The following NUP93 variants were observed in gnomAD, a reference collection of about 807,000 sequenced individuals.
The protein encoded by NUP93 is nucleoporin 93.
NUP93 carries 55 observed loss-of-function variants against 107.8 expected under a neutral mutation model. The ratio of observed to expected loss-of-function variants is 0.51; its 90% CI spans 0.41 to 0.64. The LOEUF (loss-of-function observed/expected upper bound fraction) is 0.64. Among genes scored for constraint, NUP93 ranks in the 30% least tolerant of loss-of-function variants. NUP93 has a pLI of 0.00. For synonymous variants in NUP93, 390 were observed against 397.5 expected, an observed-to-expected ratio of 0.98 and a Z score of 0.22; for missense variants, 937 against 1,044.7, an observed-to-expected ratio of 0.90 and a Z score of 1.42.
intron 3 of NUP93, among the ~76,000 whole-genome samples, chr16:56,789,823 G>A (rs1278603282): frequency 1.3e-5 from 2 of 152,236 alleles, no homozygotes; most frequent in African/African-American, 4.8e-5. Context: ...ACAGGGCCAG[G>A]TGCAGTGGCT....
chr16:56,817,675 A>T (rs1380590099), intron 5 of NUP93, among the ~76,000 whole-genome samples: 1 of 152,236 alleles, frequency 6.6e-6, no homozygotes, highest in African/African-American at 2.4e-5. Context: ...TTTCATACAC[A>T]GTCATACATT....
chr16:56,804,607 A>G (rs1477902130), intron 4 of NUP93, among the ~76,000 whole-genome samples: 1 of 152,014 alleles, frequency 6.6e-6, no homozygotes, highest in Non-Finnish European at 1.5e-5. Context: ...TGAACTATAC[A>G]CTTAAAAATG....
intron 1 of NUP93, among the ~76,000 whole-genome samples, chr16:56,740,315 G>GGTT: frequency 6.7e-6 from 1 of 149,028 alleles, no homozygotes; most frequent in Non-Finnish European, 1.5e-5. Context: ...CAGACGGGGC[G>GGTT]GCCGGGCAGA....
At chr16:56,732,572 A>AG in intron 1 of NUP93, among the ~76,000 whole-genome samples, 1 of 152,312 alleles carries the variant, frequency 6.6e-6, no homozygotes, top group East Asian at 1.9e-4. Flanking sequence ...GCAGGTGCAA[A>AG]GACCGTGCAG....
chr16:56,833,860 A>T (rs888215128), intron 13 of NUP93, among the ~76,000 whole-genome samples: 2 of 152,202 alleles, frequency 1.3e-5, no homozygotes, highest in African/African-American at 4.8e-5. Flanking sequence ...CCCAGAGCAC[A>T]TGCCATAATC....
chr16:56,805,336 C>A, intron 4 of NUP93, 168 bp from the exon 5 acceptor site: 2 of 703,790 alleles, frequency 2.8e-6, no homozygotes, highest in East Asian at 2.9e-5. Flanking sequence ...GTGTAAACCA[C>A]CACGCTCAGC....
At chr16:56,743,751 TGTCCTTCCTCCCACAA>T (rs1466598136) in intron 1 of NUP93, among the ~76,000 whole-genome samples, 1 of 152,200 alleles carries the variant, frequency 6.6e-6, no homozygotes, top group Non-Finnish European at 1.5e-5. Flanking sequence ...CTTCCACTTC[TGTCCTTCCTCCCACAA>T]GTGTAACCAA....
intron 3 of NUP93, among the ~76,000 whole-genome samples, chr16:56,769,400 A>G (rs1242319075): frequency 1.3e-5 from 2 of 152,122 alleles, no homozygotes; most frequent in Non-Finnish European, 2.9e-5. Flanking sequence ...CTCAACCCTG[A>G]TGTGAACTCT....
chr16:56,791,938 C>T (rs1193417888), intron 3 of NUP93, among the ~76,000 whole-genome samples: 2 of 152,216 alleles, frequency 1.3e-5, no homozygotes, highest in Non-Finnish European at 2.9e-5. Context: ...CTCATACACA[C>T]ATACAATTAC....
intron 2 of NUP93, among the ~76,000 whole-genome samples, chr16:56,750,523 AG>A (rs1165463506): frequency 2.0e-5 from 3 of 152,364 alleles, no homozygotes; most frequent in Admixed American, 2.0e-4. Flanking sequence ...TTTAGAGAAT[AG>A]CTTTGATAGC....
At chr16:56,777,987 G>C (rs1962445780) in intron 3 of NUP93, among the ~76,000 whole-genome samples, 1 of 152,204 alleles carries the variant, frequency 6.6e-6, no homozygotes, top group African/African-American at 2.4e-5. Flanking sequence ...GCACTATGGA[G>C]ATAATTCGAA....
At chr16:56,762,828 A>G (rs796968505) in intron 3 of NUP93, among the ~76,000 whole-genome samples, 46 of 152,114 alleles carry the variant, frequency 3.0e-4, no homozygotes, top group African/African-American at 1.0e-3. Flanking sequence ...GGCTCCTGAC[A>G]TTCCTTGGCT....
chr16:56,818,316 G>A (rs1261109121), intron 5 of NUP93, among the ~76,000 whole-genome samples: 6 of 152,216 alleles, frequency 3.9e-5, no homozygotes, highest in Non-Finnish European at 8.8e-5. Flanking sequence ...CCTCACTAGT[G>A]TGAAGACATG....
In NUP93 at chr16:56,760,958, CAAAAA is replaced by C. The variant is rs200958462; in HGVS notation, c.297+2307_297+2311del. ...TGGGTGACAGAGCAAGACCCTGTCT[CAAAAA>C]AAACCAAAAAAAAACCCAGAAACAA... On this transcript the variant is annotated intron_variant, in intron 3 of 21. Transcript: ENST00000308159. Among the ~76,000 whole-genome samples the C allele has an allele frequency of 5.9e-3, 881 of 149,926 alleles. 10 individuals are homozygous for C. Among genetic ancestry groups the C allele is most frequent in the African/African-American group, 0.02 (813 of 40,830 alleles).
chr16:56,801,538 G>A (rs746908496), intron 4 of NUP93, among the ~76,000 whole-genome samples: 7 of 152,070 alleles, frequency 4.6e-5, no homozygotes, highest in Non-Finnish European at 7.4e-5. Flanking sequence ...TCAGCCATCC[G>A]AGTAGCTTGG....
Position 56,837,608 on chromosome 16 carries a change from A to G in NUP93, c.1900A>G (p.Asn634Asp). The G allele has an allele frequency of 6.2e-7, 1 of 1,612,344 alleles. No individual in the cohort carries two copies. The highest frequency in any genetic ancestry group is 8.5e-7 in the Non-Finnish European group (1 of 1,178,422). ...EAAKLYDLAK[N>D]ADKVLELMNK... Reference sequence around the variant, plus strand: ...TCCTTAATTTTAAAAACTTGAGCAGAATGCTGACAAGGTACTGGAGCTGAT... The same window carrying G: ...TCCTTAATTTTAAAAACTTGAGCAGGATGCTGACAAGGTACTGGAGCTGAT... The change falls in exon 18 of 22, where the codon AAT (asparagine) becomes GAT (aspartate). Residue 634 changes from asparagine (N) to aspartate (D), a missense_variant and splice_region_variant. Coordinates refer to ENST00000308159, the MANE Select transcript of NUP93 (RefSeq NM_014669.5).
chr16:56,804,012 A>G (rs371908003), intron 4 of NUP93, among the ~76,000 whole-genome samples: 5 of 152,024 alleles, frequency 3.3e-5, no homozygotes, highest in African/African-American at 9.7e-5. Context: ...TCAGCCTCCC[A>G]AAAGTGCTGG....
intron 3 of NUP93, chr16:56,782,280 T>C: frequency 1.1e-6 from 1 of 918,750 alleles, no homozygotes; most frequent in Non-Finnish European, 1.3e-6. Flanking sequence ...AGTGGCAGCA[T>C]GTTGTTGCAG....
intron 1 of NUP93, chr16:56,741,009 G>GAGGGAC (rs1961730220): frequency 6.7e-6 from 1 of 148,338 alleles, no homozygotes; most frequent in Admixed American, 6.6e-5. Context: ...ACCGTGGGGA[G>GAGGGAC]AGGGAGAGGG....
Sources: gnomAD v4.1 joint callset for allele counts (sites outside exome capture counted in the v4.1 genomes callset) on GRCh38, gnomAD v4.1.1 for gene constraint, MANE v1.5 for transcripts, NCBI Gene and HGNC (gene_info 2026-07-23, HGNC 2026-07-21) for gene names.